The following DOCK5 variants were observed in gnomAD, a reference collection of about 807,000 sequenced individuals.
DOCK5 encodes dedicator of cytokinesis protein 5.
DOCK5 carries 142 observed loss-of-function variants against 251.8 expected under a neutral mutation model. That is an observed-to-expected ratio of 0.56 (90% confidence interval 0.49 to 0.65). The LOEUF (loss-of-function observed/expected upper bound fraction) is 0.65. DOCK5 is among the 30% of genes least tolerant of loss of function. The pLI, the probability that DOCK5 is intolerant of heterozygous loss-of-function variation, is 0.00. For synonymous variants in DOCK5, 842 were observed against 835.5 expected (o/e 1.01, Z -0.13); for missense variants, 2,111 against 2,312.3 (o/e 0.91, Z 1.79).
chr8:25,362,462 C>CTT (rs869096662), intron 28 of DOCK5, among the ~76,000 whole-genome samples: 184 of 54,626 alleles, frequency 3.4e-3, no homozygotes, highest in East Asian at 9.8e-3. Flanking sequence ...CTTTTCTTTT[C>CTT]TTTTTTTTTT....
At chr8:25,229,608 T>A (rs1035045396) in intron 1 of DOCK5, among the ~76,000 whole-genome samples, 9 of 152,180 alleles carry the variant, frequency 5.9e-5, no homozygotes, top group Non-Finnish European at 1.2e-4. Flanking sequence ...TTTCGTTTCT[T>A]TGCTTTGAAT....
chr8:25,373,626 T>C lies in DOCK5; in HGVS notation c.3693T>C (p.Tyr1231=). The C allele has an allele frequency of 6.3e-7, 1 of 1,595,232 alleles. No homozygotes were observed. The highest frequency in any genetic ancestry group is 1.3e-5 in the African/African-American group (1 of 74,660). The change falls in exon 36 of 52, where the codon TAT becomes TAC. Residue 1231 remains tyrosine, a synonymous_variant. Transcript: ENST00000276440. ...CTTTTTTTTCCTGGCAGAACTTTTA[T>C]AAAGAAAAGAAGAGAGAGGACATAT... ...MSCTVNVLNF[Y]KEKKREDIYI... is the part of the protein sequence containing the mutation.
chr8:25,320,259 G>A (rs983773705), intron 15 of DOCK5, among the ~76,000 whole-genome samples: 2 of 152,110 alleles, frequency 1.3e-5, no homozygotes, highest in Non-Finnish European at 2.9e-5. Context: ...TCTGGTTGTC[G>A]AAGTCACACG....
chr8:25,274,041 C>CATTGGTGATG (rs1245561880), intron 3 of DOCK5, among the ~76,000 whole-genome samples: 5 of 152,206 alleles, frequency 3.3e-5, no homozygotes, highest in Non-Finnish European at 5.9e-5. Context: ...ACTCTGTCAT[C>CATTGGTGATG]ACCAATGCTA....
intron 34 of DOCK5, among the ~76,000 whole-genome samples, chr8:25,371,342 C>T (rs960646683): frequency 3.9e-5 from 6 of 152,184 alleles, no homozygotes; most frequent in African/African-American, 1.4e-4. Context: ...GTGATGGATG[C>T]CTGTAGTCCC....
chr8:25,403,419 C>T (rs922975941), intron 47 of DOCK5, 139 bp from the exon 48 acceptor site: 1 of 844,360 alleles, frequency 1.2e-6, no homozygotes, highest in Non-Finnish European at 1.9e-6. Context: ...GCACAGGCAC[C>T]AACCAATCAG....
chr8:25,303,718 T>C (rs893396442), intron 10 of DOCK5, among the ~76,000 whole-genome samples: 2 of 152,072 alleles, frequency 1.3e-5, no homozygotes, highest in African/African-American at 4.8e-5. Context: ...TCCCAGCACT[T>C]TGGGAGGCCG....
intron 1 of DOCK5, among the ~76,000 whole-genome samples, chr8:25,227,969 C>T (rs571685953): frequency 1.3e-5 from 2 of 152,236 alleles, no homozygotes; most frequent in South Asian, 2.1e-4. Flanking sequence ...ACTGCAGCCT[C>T]CACCTGCCAG....
Position 25,275,421 on chromosome 8 carries a change from G to A in DOCK5, c.204G>A (p.Glu68=), listed in dbSNP as rs1207283308. Reference sequence around the variant, plus strand: ...CTGAAACATATATCCATTTGAAAGAGGCAACTGTGGAAGACCTGGGGTAAG... The same window carrying A: ...CTGAAACATATATCCATTTGAAAGAAGCAACTGTGGAAGACCTGGGGTAAG... ...IFPETYIHLK[E]ATVEDLGQHE... The change falls in exon 4 of 52, where the codon GAG becomes GAA. Residue 68 remains glutamate, a synonymous_variant. Coordinates refer to ENST00000276440, the MANE Select transcript of DOCK5 (RefSeq NM_024940.8). The A allele has an allele frequency of 1.2e-6, 2 of 1,610,314 alleles. No homozygotes were observed. The highest frequency in any genetic ancestry group is 8.5e-7 in the Non-Finnish European group (1 of 1,178,942).
chr8:25,301,385 C>A (rs1804758792), intron 9 of DOCK5, among the ~76,000 whole-genome samples: 1 of 152,004 alleles, frequency 6.6e-6, no homozygotes, highest in Non-Finnish European at 1.5e-5. Context: ...ATCTTGGAGA[C>A]CTGAGTTAAC....
intron 1 of DOCK5, among the ~76,000 whole-genome samples, chr8:25,233,230 C>T (rs577825468): frequency 6.6e-6 from 1 of 152,290 alleles, no homozygotes; most frequent in Admixed American, 6.5e-5. Context: ...GGTATCACTC[C>T]CTGCATTGCC....
chr8:25,226,471 C>T (rs553007716), intron 1 of DOCK5, among the ~76,000 whole-genome samples: 16 of 151,710 alleles, frequency 1.1e-4, no homozygotes, highest in Admixed American at 5.2e-4. Context: ...GCCATGTTGG[C>T]CAGGCTGGTC....
chr8:25,220,189 C>T lies in DOCK5; in HGVS notation c.44-23485C>T, dbSNP rs536728547. On this transcript the variant is annotated intron_variant, in intron 1 of 51. Coordinates refer to ENST00000276440, the MANE Select transcript of DOCK5 (RefSeq NM_024940.8). ...TCGTTTCGTTCCTTTCCTTTCCTTT[C>T]CTTTTCTTTGTGTGTGTGTGTGTAT... Among the ~76,000 whole-genome samples, 517 of 151,562 alleles carry T rather than the reference C, an allele frequency of 3.4e-3. 3 individuals are homozygous for T. Among genetic ancestry groups the T allele is most frequent in the African/African-American group, 0.012 (491 of 41,366 alleles).
chr8:25,309,884 A>G (rs1170991623), intron 12 of DOCK5, among the ~76,000 whole-genome samples: 3 of 152,066 alleles, frequency 2.0e-5, no homozygotes, highest in African/African-American at 7.2e-5. Context: ...ATAGCTATAC[A>G]CTTCTTTTTT....
At chr8:25,395,994 G>A (rs1484201798) in intron 45 of DOCK5, 3 of 494,526 alleles carry the variant, frequency 6.1e-6, no homozygotes, top group African/African-American at 5.9e-5. Flanking sequence ...TCCCCTGAGG[G>A]TTATACAAAC....
At chr8:25,213,487 G>T (rs1405354214) in intron 1 of DOCK5, among the ~76,000 whole-genome samples, 1 of 151,234 alleles carries the variant, frequency 6.6e-6, no homozygotes, top group African/African-American at 2.4e-5. Flanking sequence ...GCCTTTTAAC[G>T]TTTGAGAAAC....
intron 2 of DOCK5, among the ~76,000 whole-genome samples, chr8:25,263,159 T>C (rs1057476061): frequency 2.0e-5 from 3 of 152,010 alleles, no homozygotes. Context: ...TTGAGACAAA[T>C]AAGATCATTT....
intron 48 of DOCK5, among the ~76,000 whole-genome samples, chr8:25,407,369 A>G (rs776320386): frequency 5.3e-5 from 8 of 152,120 alleles, no homozygotes; most frequent in Non-Finnish European, 7.4e-5. Context: ...CCCACTACAT[A>G]AAACTGTCTA....
chr8:25,309,592 C>G (rs1805037778), intron 12 of DOCK5, among the ~76,000 whole-genome samples: 1 of 152,000 alleles, frequency 6.6e-6, no homozygotes, highest in African/African-American at 2.4e-5. Flanking sequence ...AGGAAGGAAA[C>G]CAAAGTAATA....
Sources: gnomAD v4.1 joint callset for allele counts (sites outside exome capture counted in the v4.1 genomes callset) on GRCh38, gnomAD v4.1.1 for gene constraint, MANE v1.5 for transcripts, NCBI Gene and HGNC (gene_info 2026-07-23, HGNC 2026-07-21) for gene names.